EXTL3: variants seen among roughly 807,000 people sequenced by gnomAD.
The protein encoded by EXTL3 is exostosin like glycosyltransferase 3, also known as exostosin-like 3.
EXTL3 carries 27 observed loss-of-function variants against 69.3 expected under a neutral mutation model. That is an observed-to-expected ratio of 0.39 (90% confidence interval 0.29 to 0.54). EXTL3 has a LOEUF of 0.54. EXTL3 is among the 20% of genes least tolerant of loss of function. EXTL3 has a pLI of 0.69. For synonymous variants in EXTL3, 511 were observed against 499.4 expected (o/e 1.02, Z -0.31); for missense variants, 1,003 against 1,231.8 (o/e 0.81, Z 2.78).
intron 6 of EXTL3, among the ~76,000 whole-genome samples, chr8:28,749,711 C>G (rs1288055336): frequency 6.6e-6 from 1 of 152,148 alleles, no homozygotes; most frequent in Non-Finnish European, 1.5e-5. Flanking sequence ...GAGTGAGTGA[C>G]AGGGTCTCAC....
chr8:28,752,631 A>G lies in EXTL3; in HGVS notation c.*1765A>G, dbSNP rs1172263925. On this transcript the variant is annotated 3_prime_UTR_variant, in exon 7 of 7. Coordinates refer to ENST00000220562, the MANE Select transcript of EXTL3 (RefSeq NM_001440.4). ...GGCCGCCGCCAGGACTGTGTTTCCAAAGGTTCCCCGCCCCCAACCCCAGCA... is the reference window on the plus strand; with the variant it reads ...GGCCGCCGCCAGGACTGTGTTTCCAGAGGTTCCCCGCCCCCAACCCCAGCA... 1.3e-5 allele frequency: 2 copies of G among 152,704 alleles called. No homozygotes were observed. Among genetic ancestry groups the G allele is most frequent in the African/African-American group, 4.8e-5 (2 of 41,406 alleles). 9.5% of individuals were successfully genotyped at this position (152,704 alleles called of 1,614,324 possible).
chr8:28,727,236 G>A (rs916805603), intron 3 of EXTL3, among the ~76,000 whole-genome samples: 1 of 152,186 alleles, frequency 6.6e-6, no homozygotes, highest in Admixed American at 6.5e-5. Flanking sequence ...TGCTATACCT[G>A]AACAGCTGTT....
intron 2 of EXTL3, among the ~76,000 whole-genome samples, chr8:28,611,629 C>T (rs1394630768): frequency 6.6e-6 from 1 of 152,074 alleles, no homozygotes; most frequent in Admixed American, 6.6e-5. Context: ...GGGTGATGAC[C>T]CAGCAGCTGG....
rs1801991447 is a variant in EXTL3, at chr8:28,750,969, C to T, written c.*103C>T. 2 of 997,748 alleles carry T rather than the reference C, an allele frequency of 2.0e-6. No homozygotes were observed. Among genetic ancestry groups the T allele is most frequent in the Admixed American group, 2.0e-5 (1 of 51,238 alleles). 61.8% of individuals were successfully genotyped at this position (997,748 alleles called of 1,614,324 possible). A position where few individuals can be genotyped will look rare whatever the true frequency, so the allele number is the denominator to read the frequency against. The stretch of plus-strand genomic sequence containing the variant: ...TTGGGCACATCTGCTGGTGGGTGGC[C>T]CAGAGCCTCTGCTGGAAGGGGCAGC... On this transcript the variant is annotated 3_prime_UTR_variant, in exon 7 of 7. Coordinates refer to ENST00000220562, the MANE Select transcript of EXTL3 (RefSeq NM_001440.4). The surrounding 1 kb of genome is among the most constrained non-coding windows in gnomAD (Gnocchi z 5.2).
intron 1 of EXTL3, among the ~76,000 whole-genome samples, chr8:28,660,838 C>CTTTTTTTTTTT (rs58151386): frequency 6.2e-4 from 29 of 46,952 alleles, no homozygotes; most frequent in East Asian, 8.7e-4. Flanking sequence ...CGATTTTTGG[C>CTTTTTTTTTTT]TTTTTTTTTT....
At chr8:28,654,685 A>C (rs1806977914) in intron 1 of EXTL3, among the ~76,000 whole-genome samples, 1 of 152,210 alleles carries the variant, frequency 6.6e-6, no homozygotes, top group Non-Finnish European at 1.5e-5. Context: ...CTATTATTAT[A>C]TCCACATTGC....
chr8:28,667,821 C>G (rs1807219914), intron 1 of EXTL3, among the ~76,000 whole-genome samples: 1 of 151,642 alleles, frequency 6.6e-6, no homozygotes, highest in African/African-American at 2.4e-5. Flanking sequence ...TGTAACAAAC[C>G]TGCACATTGT....
At chr8:28,680,454 G>A (rs1408285210) in intron 1 of EXTL3, among the ~76,000 whole-genome samples, 1 of 150,966 alleles carries the variant, frequency 6.6e-6, no homozygotes, top group African/African-American at 2.4e-5. Flanking sequence ...TTATTAGTGT[G>A]TAACTGATAA....
intron 6 of EXTL3, among the ~76,000 whole-genome samples, chr8:28,749,641 TC>T (rs1418012101): frequency 8.5e-5 from 13 of 152,206 alleles, no homozygotes; most frequent in African/African-American, 2.9e-4. Context: ...ATTCATTCAT[TC>T]ATTCATTCAT....
intron 1 of EXTL3, among the ~76,000 whole-genome samples, chr8:28,645,211 T>C (rs895270133): frequency 3.3e-5 from 5 of 152,212 alleles, no homozygotes; most frequent in Admixed American, 2.0e-4. Context: ...GTTTAAAATA[T>C]ATTTAAAACA....
At chr8:28,608,102 A>G (rs1052570922) in intron 2 of EXTL3, among the ~76,000 whole-genome samples, 10 of 149,526 alleles carry the variant, frequency 6.7e-5, no homozygotes, top group Non-Finnish European at 1.3e-4. Context: ...AGAGCGAGAC[A>G]CCATCTCAAA....
chr8:28,709,152 C>T (rs991524955), intron 1 of EXTL3, among the ~76,000 whole-genome samples: 2 of 152,080 alleles, frequency 1.3e-5, no homozygotes, highest in African/African-American at 4.8e-5. Context: ...CAAGTTTTAC[C>T]ACATAACATG....
chr8:28,611,167 G>T (rs1342142447), intron 2 of EXTL3, among the ~76,000 whole-genome samples: 1 of 152,162 alleles, frequency 6.6e-6, no homozygotes, highest in Non-Finnish European at 1.5e-5. Context: ...CTGATTATTA[G>T]GATGGGTGCA....
chr8:28,725,414 G>T lies in EXTL3; in HGVS notation c.2149-5809G>T, dbSNP rs145363862. Among the ~76,000 whole-genome samples the T allele has an allele frequency of 5.5e-4, 83 of 152,184 alleles. 1 individual carries two copies. Among genetic ancestry groups the T allele is most frequent in the African/African-American group, 1.9e-3 (80 of 41,514 alleles). On this transcript the variant is annotated intron_variant, in intron 3 of 6. Coordinates refer to ENST00000220562, the MANE Select transcript of EXTL3 (RefSeq NM_001440.4). ...GGAGGTGGATGGGTTTTTTGCTATAGAAAACTACACTAAATACTAAGAGGT... is the reference window on the plus strand; with the variant it reads ...GGAGGTGGATGGGTTTTTTGCTATATAAAACTACACTAAATACTAAGAGGT...
At chr8:28,670,225 G>T (rs1007329574) in intron 1 of EXTL3, among the ~76,000 whole-genome samples, 6 of 30,432 alleles carry the variant, frequency 2.0e-4, no homozygotes, top group African/African-American at 7.1e-4. Flanking sequence ...AAAAAGGTTG[G>T]GGGGAGATGG....
chr8:28,707,346 G>A (rs1471059759), intron 1 of EXTL3, among the ~76,000 whole-genome samples: 2 of 152,192 alleles, frequency 1.3e-5, no homozygotes, highest in African/African-American at 2.4e-5. Flanking sequence ...CTGCTTCATC[G>A]GTGAAGTGGA....
chr8:28,725,568 T>A (rs1210245141), intron 3 of EXTL3, among the ~76,000 whole-genome samples: 3 of 152,358 alleles, frequency 2.0e-5, no homozygotes, highest in African/African-American at 7.2e-5. Context: ...CTAAATTATG[T>A]TCTATTTTCT....
chr8:28,638,101 A>G (rs1326030648), intron 1 of EXTL3, among the ~76,000 whole-genome samples: 1 of 151,960 alleles, frequency 6.6e-6, no homozygotes, highest in African/African-American at 2.4e-5. Context: ...TCTTGGTCTT[A>G]TCTTCCTGGA....
At chr8:28,630,918 T>C (rs1223590222) in intron 1 of EXTL3, among the ~76,000 whole-genome samples, 1 of 152,208 alleles carries the variant, frequency 6.6e-6, no homozygotes, top group Non-Finnish European at 1.5e-5. Context: ...GCCAGGTATA[T>C]AGGAGACGCA....
Sources: allele counts gnomAD v4.1 joint callset (sites outside exome capture counted in the v4.1 genomes callset), GRCh38; gene constraint gnomAD v4.1.1; non-coding constraint Gnocchi (gnomAD v3.1); transcripts MANE v1.5; gene names NCBI Gene and HGNC (gene_info 2026-07-23, HGNC 2026-07-21).